Variants in SCN2B observed in about 807,000 individuals in gnomAD.
The protein encoded by SCN2B is sodium voltage-gated channel beta subunit 2, also known as sodium channel regulatory subunit beta-2.
A neutral mutation model predicts 18.2 loss-of-function variants in SCN2B; 14 were observed. The observed-to-expected ratio is 0.77, with a 90% CI of 0.51 to 1.21. SCN2B has a LOEUF of 1.21. SCN2B is among the 50% of genes most tolerant of loss of function. SCN2B has a pLI of 0.00. For missense variants in SCN2B, 262 were observed against 286.9 expected (o/e 0.91, Z 0.63); for synonymous variants, 115 against 115.3 (o/e 1.00, Z 0.02).
At chr11:118,172,880 A>G in intron 1 of SCN2B, among the ~76,000 whole-genome samples, 1 of 131,166 alleles carries the variant, frequency 7.6e-6, no homozygotes, top group South Asian at 2.4e-4. Context: ...TGAGGTAATT[A>G]TTTTCTTCTT....
chr11:118,173,835 T>C (rs1435568814), intron 1 of SCN2B, among the ~76,000 whole-genome samples: 2 of 152,122 alleles, frequency 1.3e-5, no homozygotes, highest in African/African-American at 4.8e-5. Flanking sequence ...GACAGCTTTC[T>C]CTCCATGTCT....
Position 118,176,422 on chromosome 11 carries a change from C to T in SCN2B, c.10G>A (p.Asp4Asn), listed in dbSNP as rs1023356508. 6.2e-7 allele frequency: 1 copy of T among 1,613,892 alleles called. No homozygotes were observed. Among genetic ancestry groups the T allele is most frequent in the Non-Finnish European group, 8.5e-7 (1 of 1,179,992 alleles). MHRDAWLPRPAFSL... is the reference protein window; with the variant it reads MHRNAWLPRPAFSL... ...AAGGCAGGGCGAGGTAGCCAGGCATCTCTGTGCATTTTCAGAGACTGAGAT... is the reference window on the plus strand; with the variant it reads ...AAGGCAGGGCGAGGTAGCCAGGCATTTCTGTGCATTTTCAGAGACTGAGAT... Residue 4 changes from aspartate to asparagine, a missense_variant, in exon 1 of 4, where the codon GAT becomes AAT. Transcript: ENST00000278947.
rs191690025 is a variant in SCN2B at position 118,163,028 on chromosome 11, C to T, written c.*3859G>A. On this transcript the variant is annotated 3_prime_UTR_variant, in exon 4 of 4. Coordinates refer to ENST00000278947, the MANE Select transcript of SCN2B (RefSeq NM_004588.5). ...GGTTTTCCCCTCCAAGTGCACAAAG[C>T]GCAAGAACATTCCAAAATTTGCCTT... The T allele has an allele frequency of 7.9e-5, 12 of 152,634 alleles. No homozygotes were observed. The highest frequency in any genetic ancestry group is 2.6e-4 in the African/African-American group (11 of 41,516). The allele number at this position is 152,634 out of a possible 1,614,324, so 9.5% of individuals were successfully genotyped here. A position where few individuals can be genotyped will look rare whatever the true frequency, so the allele number is the denominator to read the frequency against.
intron 1 of SCN2B, among the ~76,000 whole-genome samples, chr11:118,173,260 T>C (rs1437975347): frequency 6.6e-6 from 1 of 152,216 alleles, no homozygotes; most frequent in Non-Finnish European, 1.5e-5. Flanking sequence ...ACCCCAGTTC[T>C]GATTTTTTCT....
rs1352582228 is a variant in SCN2B at position 118,163,916 on chromosome 11, G to GGGA, written c.*2968_*2970dup. 1.6e-4 allele frequency: 25 copies of GGGA among 152,198 alleles called. No homozygotes were observed. The highest frequency in any genetic ancestry group is 3.4e-4 in the Non-Finnish European group (23 of 68,048). 9.4% of individuals were successfully genotyped at this position (152,198 alleles called of 1,614,324 possible). On this transcript the variant is annotated 3_prime_UTR_variant, in exon 4 of 4. Coordinates refer to ENST00000278947, the MANE Select transcript of SCN2B (RefSeq NM_004588.5). Reference sequence around the variant, plus strand: ...TTTGCTCCCAACTTCACCATCCTGGGGGAGGCAGCTCTATGAGTCCTCTGG... The same window carrying GGGA: ...TTTGCTCCCAACTTCACCATCCTGGGGGAGGAGGCAGCTCTATGAGTCCTCTGG...
chr11:118,173,780 G>A (rs1948447062), intron 1 of SCN2B, among the ~76,000 whole-genome samples: 1 of 152,198 alleles, frequency 6.6e-6, no homozygotes, highest in Admixed American at 6.5e-5. Context: ...CCAGGACAGT[G>A]TGTGGCAGAG....
chr11:118,175,733 C>T (rs1343182617), intron 1 of SCN2B, among the ~76,000 whole-genome samples: 1 of 152,144 alleles, frequency 6.6e-6, no homozygotes, highest in African/African-American at 2.4e-5. Flanking sequence ...CTACACCTGG[C>T]CCTTCCTCCA....
At chr11:118,167,745 T>C (rs1195190774) in intron 3 of SCN2B, among the ~76,000 whole-genome samples, 1 of 152,156 alleles carries the variant, frequency 6.6e-6, no homozygotes, top group Non-Finnish European at 1.5e-5. Flanking sequence ...TCTGTAGAGA[T>C]GGAGTTTTGC....
In SCN2B at chr11:118,165,051, C is replaced by G. The variant is rs564968158; in HGVS notation, c.*1836G>C. The G allele has an allele frequency of 6.5e-6, 1 of 152,850 alleles. No homozygotes were observed. The highest frequency in any genetic ancestry group is 1.5e-5 in the Non-Finnish European group (1 of 68,192). 9.5% of individuals were successfully genotyped at this position (152,850 alleles called of 1,614,324 possible). On this transcript the variant is annotated 3_prime_UTR_variant, in exon 4 of 4. Transcript: ENST00000278947. The stretch of plus-strand genomic sequence containing the variant: ...GGGCAGGGAATGGGGCATTTGCCAG[C>G]AGCTGTGCCCTTCACACTTGCTCCC...
intron 1 of SCN2B, among the ~76,000 whole-genome samples, chr11:118,172,305 C>T (rs138516463): frequency 1.3e-5 from 2 of 152,378 alleles, no homozygotes; most frequent in East Asian, 1.9e-4. Context: ...AACCTGTTAT[C>T]GCTCCCACAT....
intron 1 of SCN2B, 91 bp downstream of exon 1, chr11:118,176,271 A>T: frequency 8.4e-7 from 1 of 1,192,830 alleles, no homozygotes; most frequent in South Asian, 1.2e-5. Context: ...AAGCGCTAGC[A>T]ATGTCTTCTT....
At chr11:118,171,921 G>A (rs996120438) in intron 1 of SCN2B, among the ~76,000 whole-genome samples, 5 of 152,198 alleles carry the variant, frequency 3.3e-5, no homozygotes, top group Admixed American at 2.0e-4. Context: ...TTACCGGTGA[G>A]GAAAGGCCAT....
Position 118,166,599 on chromosome 11 carries a change from A to C in SCN2B, c.*288T>G, listed in dbSNP as rs1591443928. On this transcript the variant is annotated 3_prime_UTR_variant, in exon 4 of 4. Coordinates refer to ENST00000278947, the MANE Select transcript of SCN2B (RefSeq NM_004588.5). ...CCCACCCACTCCCTTCTCTCTGGGG[A>C]CCCTCACATGTGCCTCCTGCCTCCC... The C allele has an allele frequency of 3.0e-5, 14 of 471,240 alleles. No individual in the cohort carries two copies. Among genetic ancestry groups the C allele is most frequent in the Admixed American group, 1.0e-4 (3 of 29,802 alleles). 29.2% of individuals were successfully genotyped at this position (471,240 alleles called of 1,614,324 possible). A position where few individuals can be genotyped will look rare whatever the true frequency, so the allele number is the denominator to read the frequency against.
chr11:118,165,954 C>A lies in SCN2B; in HGVS notation c.*933G>T, dbSNP rs1948377926. 1 of 152,328 alleles carries A rather than the reference C, an allele frequency of 6.6e-6. No homozygotes were observed. The highest frequency in any genetic ancestry group is 6.5e-5 in the Admixed American group (1 of 15,292). 9.4% of individuals were successfully genotyped at this position (152,328 alleles called of 1,614,324 possible). The stretch of plus-strand genomic sequence containing the variant: ...CCCACCAAGGGCAACTGGGAGAGTT[C>A]TCACTGAAGCCCCAAAGAAAGCTGC... On this transcript the variant is annotated 3_prime_UTR_variant, in exon 4 of 4. Coordinates refer to ENST00000278947, the MANE Select transcript of SCN2B (RefSeq NM_004588.5).
rs892313796 is a variant in SCN2B at position 118,164,735 on chromosome 11, G to A, written c.*2152C>T. The A allele has an allele frequency of 6.5e-6, 1 of 152,674 alleles. No homozygotes were observed. Among genetic ancestry groups the A allele is most frequent in the Non-Finnish European group, 1.5e-5 (1 of 68,072 alleles). The allele number at this position is 152,674 out of a possible 1,614,324, so 9.5% of individuals were successfully genotyped here. A position where few individuals can be genotyped will look rare whatever the true frequency, so the allele number is the denominator to read the frequency against. The stretch of plus-strand genomic sequence containing the variant: ...ATCTTGGTCCCTACAGTGCCAACCT[G>A]GCAGTCCCCAGTGCTTATGGCTTTG... On this transcript the variant is annotated 3_prime_UTR_variant, in exon 4 of 4. Transcript: ENST00000278947.
Position 118,163,658 on chromosome 11 carries a change from G to C in SCN2B, c.*3229C>G, listed in dbSNP as rs143338408. The C allele has an allele frequency of 3.3e-5, 5 of 152,824 alleles. No homozygotes were observed. Among genetic ancestry groups the C allele is most frequent in the African/African-American group, 9.6e-5 (4 of 41,550 alleles). 9.5% of individuals were successfully genotyped at this position (152,824 alleles called of 1,614,324 possible). On this transcript the variant is annotated 3_prime_UTR_variant, in exon 4 of 4. Coordinates refer to ENST00000278947, the MANE Select transcript of SCN2B (RefSeq NM_004588.5). ...TTAATTAGGAGGAAGAGACAGATGGGGGGTGGGGGCAGAGGGAGGTTCTGA... is the reference window on the plus strand; with the variant it reads ...TTAATTAGGAGGAAGAGACAGATGGCGGGTGGGGGCAGAGGGAGGTTCTGA...
At chr11:118,171,730 G>A (rs746148526) in intron 1 of SCN2B, among the ~76,000 whole-genome samples, 1 of 152,204 alleles carries the variant, frequency 6.6e-6, no homozygotes, top group East Asian at 1.9e-4. Context: ...AGCCGGAGAG[G>A]TGCAATGCGG....
In SCN2B at chr11:118,168,043, T is replaced by C. The variant is rs187293112; in HGVS notation, c.448+42A>G. ...GCAAATGCCGCAGAGAGTAGGTGGG[T>C]GGGAAAGGTCAGGGCCCCGCAGCTG... On this transcript the variant is annotated intron_variant, in intron 3 of 3. Transcript: ENST00000278947. This position sits in a 1 kb window ranked among gnomAD's most constrained non-coding sequence, Gnocchi z 4.7. 1,724 of 1,545,600 alleles carry C rather than the reference T, an allele frequency of 1.1e-3. 4 individuals are homozygous for C. Among genetic ancestry groups the C allele is most frequent in the Admixed American group, 4.2e-3 (237 of 57,012 alleles).
At chr11:118,174,575 A>G (rs1948455050) in intron 1 of SCN2B, among the ~76,000 whole-genome samples, 3 of 152,170 alleles carry the variant, frequency 2.0e-5, no homozygotes, top group African/African-American at 7.2e-5. Flanking sequence ...TGCCAGGGAC[A>G]TGCCTCATTA....
Sources: gnomAD v4.1 joint callset for allele counts (sites outside exome capture counted in the v4.1 genomes callset) on GRCh38, gnomAD v4.1.1 for gene constraint, Gnocchi (gnomAD v3.1) non-coding constraint, MANE v1.5 for transcripts, NCBI Gene and HGNC (gene_info 2026-07-23, HGNC 2026-07-21) for gene names.